The following RC3H1 variants were observed in gnomAD, a reference collection of about 807,000 sequenced individuals.
RC3H1 encodes the protein roquin-1.
In RC3H1, 50 loss-of-function variants were observed where a neutral mutation model predicts 138.2. The ratio of observed to expected loss-of-function variants is 0.36; its 90% CI spans 0.29 to 0.46. RC3H1 has a LOEUF of 0.46. Ranked by LOEUF, RC3H1 falls within the 20% of genes least tolerant of loss-of-function variation. The pLI is 1.00. For synonymous variants in RC3H1, 462 were observed against 489.1 expected, an observed-to-expected ratio of 0.94 and a Z score of 0.73; for missense variants, 1,031 against 1,388.1, an observed-to-expected ratio of 0.74 and a Z score of 4.09.
At chr1:173,983,763 C>T in intron 3 of RC3H1, 106 bp from the exon 4 acceptor site, 2 of 1,063,386 alleles carry the variant, frequency 1.9e-6, no homozygotes, top group Non-Finnish European at 2.7e-6. Context: ...AGTTCTGGGA[C>T]TACTAGAGTA....
intron 1 of RC3H1, among the ~76,000 whole-genome samples, chr1:174,008,484 A>G (rs1464972745): frequency 6.6e-6 from 1 of 152,094 alleles, no homozygotes; most frequent in East Asian, 1.9e-4. Context: ...GAAGAGGAGG[A>G]GCTGATTCAT....
rs916906142 is a variant in RC3H1, at chr1:173,935,632, G to C, written c.*3089C>G. 7.9e-5 allele frequency: 12 copies of C among 151,754 alleles called. No individual in the cohort carries two copies. Among genetic ancestry groups the C allele is most frequent in the African/African-American group, 2.9e-4 (12 of 41,332 alleles). 9.4% of individuals were successfully genotyped at this position (151,754 alleles called of 1,614,324 possible). On this transcript the variant is annotated 3_prime_UTR_variant, in exon 20 of 20. Coordinates refer to ENST00000367696, the MANE Select transcript of RC3H1 (RefSeq NM_172071.4). The stretch of plus-strand genomic sequence containing the variant: ...CCTTTTCAATTTTGATTTTAAAAAA[G>C]TAGTTACAGAGTCAAGCAGTTATGC...
At position 173,961,208 on chromosome 1, in the gene RC3H1, G is replaced by T. The variant is rs866651470; in HGVS notation, c.2239C>A (p.Pro747Thr). The stretch of plus-strand genomic sequence containing the variant: ...TGTAGTTCATCTAGACTAGGATGAG[G>T]CTGGGGAGGAGGAGGAAGCCGGCTA... Reference protein sequence around the residue: ...PYSRLPPPPQPHPSLDELHRR... With the variant: ...PYSRLPPPPQTHPSLDELHRR... Residue 747 changes from proline (P) to threonine (T), a missense_variant, in exon 13 of 20, where the codon CCT becomes ACT. Physicochemically the swap from Pro to Thr is conservative, Grantham distance 38. Around this residue, in one of 7 missense-constraint regions of RC3H1, gnomAD observed 716 missense variants for 837.9 expected, o/e 0.85. Transcript: ENST00000367696. 3 of 1,613,788 alleles carry T rather than the reference G, an allele frequency of 1.9e-6. No homozygotes were observed. The highest frequency in any genetic ancestry group is 2.5e-6 in the Non-Finnish European group (3 of 1,179,874).
chr1:173,954,967 CTA>C (rs1183345304), intron 13 of RC3H1, among the ~76,000 whole-genome samples: 6 of 151,856 alleles, frequency 4.0e-5, no homozygotes, highest in African/African-American at 1.5e-4. Flanking sequence ...TGGCTCACAC[CTA>C]TAATCCCAGC....
intron 7 of RC3H1, among the ~76,000 whole-genome samples, chr1:173,977,266 AG>A (rs1660629040): frequency 6.6e-6 from 1 of 152,112 alleles, no homozygotes; most frequent in Non-Finnish European, 1.5e-5. Flanking sequence ...ACTGGATTGG[AG>A]GAACTCATAG....
chr1:173,986,219 G>C (rs956568979), intron 2 of RC3H1, among the ~76,000 whole-genome samples: 1 of 151,848 alleles, frequency 6.6e-6, no homozygotes, highest in Non-Finnish European at 1.5e-5. Context: ...ATCTTACACT[G>C]GTATGGTACA....
intron 1 of RC3H1, among the ~76,000 whole-genome samples, chr1:173,999,163 C>T (rs920132703): frequency 5.9e-5 from 9 of 151,376 alleles, no homozygotes; most frequent in Non-Finnish European, 1.3e-4. Context: ...CTGAGGTTGG[C>T]AGATCACCTG....
intron 1 of RC3H1, among the ~76,000 whole-genome samples, chr1:173,993,894 C>A (rs1348354553): frequency 6.7e-6 from 1 of 149,662 alleles, no homozygotes; most frequent in Admixed American, 6.6e-5. Flanking sequence ...GTGGCAGGCG[C>A]CTGTAACCCC....
intron 13 of RC3H1, 161 bp downstream of exon 13, chr1:173,960,915 AC>A: frequency 1.5e-6 from 1 of 661,678 alleles, no homozygotes; most frequent in African/African-American, 1.8e-5. Flanking sequence ...TTACATACAT[AC>A]AAAAATCAGT....
intron 13 of RC3H1, among the ~76,000 whole-genome samples, chr1:173,956,130 C>CAAAAA (rs552947734): frequency 1.2e-5 from 1 of 86,368 alleles, no homozygotes; most frequent in Admixed American, 1.4e-4. Context: ...GAGTCTGTCT[C>CAAAAA]AAAAAAAAAA....
chr1:173,998,264 G>A (rs12093885), intron 1 of RC3H1, among the ~76,000 whole-genome samples: 43,917 of 151,982 alleles, frequency 0.29, 11,367 homozygotes, highest in African/African-American at 0.7. Context: ...ATTTCTATTG[G>A]AACCTTCCAA....
intron 10 of RC3H1, 101 bp downstream of exon 10, chr1:173,964,738 A>G: frequency 2.5e-6 from 3 of 1,182,932 alleles, no homozygotes; most frequent in Non-Finnish European, 3.5e-6. Context: ...AAAAAAAATA[A>G]TCAGGGTTTT....
At position 174,017,783 on chromosome 1, in the gene RC3H1, C is replaced by CCAAAAAAAAAAAAAA. The variant is rs1165317766; in HGVS notation, c.-151+4312_-151+4313insTTTTTTTTTTTTTTG. Among the ~76,000 whole-genome samples the CCAAAAAAAAAAAAAA allele has an allele frequency of 6.9e-5, 5 of 72,032 alleles. 1 individual carries two copies. The highest frequency in any genetic ancestry group is 2.3e-4 in the African/African-American group (4 of 17,528). The allele number at this position is 72,032 out of a possible 152,430, so 47.3% of individuals were successfully genotyped here. A position where few individuals can be genotyped will look rare whatever the true frequency, so the allele number is the denominator to read the frequency against. On this transcript the variant is annotated intron_variant, in intron 1 of 19. Coordinates refer to ENST00000367696, the MANE Select transcript of RC3H1 (RefSeq NM_172071.4). ...ACCCCTTTAGAACTCTTTTCTTGCT[C>CCAAAAAAAAAAAAAA]AAAAAAAAAAAAAAAAAAAAAAAAA... is the stretch of plus-strand genomic sequence containing the variant.
At position 173,931,306 on chromosome 1, in the gene RC3H1, A is replaced by G. The variant is rs754635569; in HGVS notation, c.*7415T>C. On this transcript the variant is annotated 3_prime_UTR_variant, in exon 20 of 20. Coordinates refer to ENST00000367696, the MANE Select transcript of RC3H1 (RefSeq NM_172071.4). Reference sequence around the variant, plus strand: ...CATATATTTACAATCCAAAAGGTGAATCACCTCCTTCTACTTGTTAAAATA... The same window carrying G: ...CATATATTTACAATCCAAAAGGTGAGTCACCTCCTTCTACTTGTTAAAATA... 1.3e-5 allele frequency: 2 copies of G among 152,242 alleles called. No homozygotes were observed. The highest frequency in any genetic ancestry group is 6.5e-5 in the Admixed American group (1 of 15,272). 9.4% of individuals were successfully genotyped at this position (152,242 alleles called of 1,614,324 possible). A position where few individuals can be genotyped will look rare whatever the true frequency, so the allele number is the denominator to read the frequency against.
chr1:174,017,634 G>C (rs986964017), intron 1 of RC3H1, among the ~76,000 whole-genome samples: 1 of 151,932 alleles, frequency 6.6e-6, no homozygotes, highest in African/African-American at 2.4e-5. Context: ...TCTGGAATTA[G>C]AGCTGGTGGT....
In RC3H1 at chr1:173,934,612, A is replaced by C. The variant is rs1033873291; in HGVS notation, c.*4109T>G. ...AAGAAAACAGCAGGTTACCATTCTT[A>C]ACCAGACCTTTGTTTGCCTACCAGT... On this transcript the variant is annotated 3_prime_UTR_variant, in exon 20 of 20. Coordinates refer to ENST00000367696, the MANE Select transcript of RC3H1 (RefSeq NM_172071.4). The C allele has an allele frequency of 1.8e-4, 28 of 152,212 alleles. No individual in the cohort carries two copies. Among genetic ancestry groups the C allele is most frequent in the African/African-American group, 6.8e-4 (28 of 41,466 alleles). The allele number at this position is 152,212 out of a possible 1,614,324, so 9.4% of individuals were successfully genotyped here.
intron 17 of RC3H1, among the ~76,000 whole-genome samples, chr1:173,944,595 C>A (rs1659056057): frequency 6.6e-6 from 1 of 152,082 alleles, no homozygotes; most frequent in Non-Finnish European, 1.5e-5. Context: ...AAACAAAAAA[C>A]CATGCATTTG....
chr1:173,975,561 A>T (rs1360368856), intron 7 of RC3H1, among the ~76,000 whole-genome samples: 1 of 152,142 alleles, frequency 6.6e-6, no homozygotes, highest in Non-Finnish European at 1.5e-5. Context: ...AATTTCAGAA[A>T]TGCTAAGATC....
rs182265023 is a variant in RC3H1, at chr1:174,011,074, C to A, written c.-151+11022G>T. 1.1e-3 allele frequency among the ~76,000 whole-genome samples: 175 copies of A among 152,236 alleles called. 1 individual carries two copies. The highest frequency in any genetic ancestry group is 4.1e-3 in the African/African-American group (171 of 41,548). On this transcript the variant is annotated intron_variant, in intron 1 of 19. Transcript: ENST00000367696. ...TTACTCATATGCATTTAAAGATTTA[C>A]CATCCTATTTTCTATTCTAAGAATT... is the stretch of plus-strand genomic sequence containing the variant.
Sources: allele counts gnomAD v4.1 joint callset (sites outside exome capture counted in the v4.1 genomes callset), GRCh38; gene constraint gnomAD v4.1.1; regional missense constraint gnomAD v4.1.1; transcripts MANE v1.5; gene names NCBI Gene and HGNC (gene_info 2026-07-23, HGNC 2026-07-21).